Variants in TPM4 observed in about 807,000 individuals in gnomAD.
The protein encoded by TPM4 is tropomyosin alpha-4 chain.
A neutral mutation model predicts 35.8 loss-of-function variants in TPM4; 17 were observed. The observed-to-expected ratio is 0.47, with a 90% CI of 0.32 to 0.71. The LOEUF is 0.71. Ranked by LOEUF, TPM4 falls within the 30% of genes least tolerant of loss-of-function variation. The pLI is 0.03. For missense variants in TPM4, 240 were observed against 320.9 expected, an observed-to-expected ratio of 0.75 and a Z score of 1.93; for synonymous variants, 120 against 122.9, an observed-to-expected ratio of 0.98 and a Z score of 0.15.
At chr19:16,092,864 C>T (rs974547279) in intron 5 of TPM4, among the ~76,000 whole-genome samples, 1 of 151,704 alleles carries the variant, frequency 6.6e-6, no homozygotes, top group Non-Finnish European at 1.5e-5. Context: ...CTTCTTCCTC[C>T]TTTTTTTTGA....
rs754913516 is a variant in TPM4 at position 16,088,053 on chromosome 19, G to A, written c.411G>A (p.Glu137=). 5.0e-6 allele frequency: 8 copies of A among 1,612,610 alleles called. No individual in the cohort carries two copies. Among genetic ancestry groups the A allele is most frequent in the Non-Finnish European group, 6.8e-6 (8 of 1,179,624 alleles). ...EEVARKLVIL[E]GELERAEERA... Reference sequence around the variant, plus strand: ...TAGCTCGTAAGCTGGTCATCCTGGAGGGTGAGCTGGAGAGGGCAGAGGAGC... The same window carrying A: ...TAGCTCGTAAGCTGGTCATCCTGGAAGGTGAGCTGGAGAGGGCAGAGGAGC... Residue 137 remains glutamate (E), a synonymous_variant, in exon 4 of 8, where the codon GAG becomes GAA. Transcript: ENST00000643579.
chr19:16,088,241 T>C, intron 4 of TPM4, 144 bp downstream of exon 4: 1 of 1,426,390 alleles, frequency 7.0e-7, no homozygotes, highest in South Asian at 1.3e-5. Flanking sequence ...TCTTTTCTCT[T>C]GGCTTCTGTG....
intron 7 of TPM4, among the ~76,000 whole-genome samples, chr19:16,094,776 C>T (rs2090673666): frequency 1.3e-5 from 2 of 152,220 alleles, no homozygotes; most frequent in Middle Eastern, 3.4e-3. Flanking sequence ...GTTTAACATT[C>T]GGCCTCAGAA....
chr19:16,069,139 C>T (rs1568295822), intron 2 of TPM4, among the ~76,000 whole-genome samples: 1 of 152,010 alleles, frequency 6.6e-6, no homozygotes, highest in East Asian at 1.9e-4. Context: ...TTTCTGATGG[C>T]GTGTGTGTGT....
At chr19:16,093,333 C>T (rs546736934) in intron 5 of TPM4, among the ~76,000 whole-genome samples, 10 of 152,064 alleles carry the variant, frequency 6.6e-5, no homozygotes, top group African/African-American at 2.4e-4. Flanking sequence ...GTAGCTGGGA[C>T]TACAGCTGCA....
intron 2 of TPM4, among the ~76,000 whole-genome samples, chr19:16,086,088 A>G (rs1418948477): frequency 3.0e-5 from 4 of 134,600 alleles, no homozygotes; most frequent in African/African-American, 1.1e-4. Context: ...AAAAAAAACC[A>G]AGATGAAGGA....
chr19:16,071,789 A>G (rs1279275015), upstream of TPM4, among the ~76,000 whole-genome samples: 4 of 152,182 alleles, frequency 2.6e-5, no homozygotes, highest in Non-Finnish European at 5.9e-5. Context: ...GGAAAAGGAC[A>G]AAGAGGCCCA....
At chr19:16,081,087 G>A in intron 1 of TPM4, 1 of 398,544 alleles carries the variant, frequency 2.5e-6, no homozygotes, top group Non-Finnish European at 4.4e-6. Context: ...TAATTGCATG[G>A]CCAACATTTA....
At chr19:16,089,867 CT>C (rs954798691) in intron 5 of TPM4, among the ~76,000 whole-genome samples, 2 of 149,190 alleles carry the variant, frequency 1.3e-5, no homozygotes, top group African/African-American at 2.5e-5. Flanking sequence ...TTTTTCTTTT[CT>C]TTTTTTTTGA....
chr19:16,073,810 T>G (rs974412083), upstream of TPM4, among the ~76,000 whole-genome samples: 8 of 151,488 alleles, frequency 5.3e-5, no homozygotes, highest in African/African-American at 1.9e-4. Context: ...ATGGGAAGCC[T>G]GGAGTTCACA....
chr19:16,068,377 TG>T (rs1233370858), intron 2 of TPM4, among the ~76,000 whole-genome samples: 1 of 152,174 alleles, frequency 6.6e-6, no homozygotes, highest in East Asian at 1.9e-4. Context: ...GATTTCGCCA[TG>T]TTGGCCGGAC....
At position 16,086,660 on chromosome 19, in the gene TPM4, G is replaced by A. The variant is rs111282798; in HGVS notation, c.384+120G>A. The A allele has an allele frequency of 1.7e-3, 1,288 of 756,950 alleles. 7 individuals carry two copies. In the African/African-American group the frequency reaches 0.017, roughly 10 times the overall value. 46.9% of individuals were successfully genotyped at this position (756,950 alleles called of 1,614,324 possible). ...TCGGTTAGGTCAGCTGTCCTCCTGC[G>A]TGAACATATGTTTGTCCAGAGACAA... On this transcript the variant is annotated intron_variant, in intron 3 of 7. Transcript: ENST00000643579.
intron 7 of TPM4, among the ~76,000 whole-genome samples, chr19:16,097,099 G>A (rs1187855996): frequency 2.1e-5 from 3 of 143,068 alleles, no homozygotes; most frequent in South Asian, 2.2e-4. Flanking sequence ...GATTACAGTC[G>A]CGGACCACCA....
intron 7 of TPM4, 93 bp from the exon 8 acceptor site, chr19:16,101,171 A>T: frequency 1.8e-6 from 2 of 1,120,714 alleles, no homozygotes; most frequent in South Asian, 1.6e-5. Flanking sequence ...ACCCTGTCTC[A>T]AGAAGAAGAA....
Position 16,070,197 on chromosome 19 carries a change from C to T in TPM4, c.114+2459C>T, listed in dbSNP as rs542754764. ...GGAGAGGGAGGCCATTTCCCATCTC[C>T]TGGCAGCCAAGAGCCCACACAGACC... On this transcript the variant is annotated intron_variant, in intron 2 of 2. Coordinates refer to the TPM4 transcript ENST00000589897. The surrounding 1 kb of genome is among the most constrained non-coding windows in gnomAD (Gnocchi z 7.4). Among the ~76,000 whole-genome samples, 24 of 152,308 alleles carry T rather than the reference C, an allele frequency of 1.6e-4. 1 individual carries two copies. The highest frequency in any genetic ancestry group is 5.8e-4 in the African/African-American group (24 of 41,546).
intron 2 of TPM4, among the ~76,000 whole-genome samples, chr19:16,069,538 T>TGGATGAC (rs147905162): frequency 1.6e-5 from 1 of 62,904 alleles, no homozygotes; most frequent in Non-Finnish European, 3.0e-5. Flanking sequence ...TGTATGTGTG[T>TGGATGAC]TGTGTGTGGA....
At chr19:16,084,863 C>T (rs1402324395) in intron 2 of TPM4, among the ~76,000 whole-genome samples, 1 of 152,144 alleles carries the variant, frequency 6.6e-6, no homozygotes, top group African/African-American at 2.4e-5. Context: ...TATTGGACAG[C>T]AAGAAGCATA....
At chr19:16,068,272 C>A (rs11672873) in intron 2 of TPM4, among the ~76,000 whole-genome samples, 1 of 151,584 alleles carries the variant, frequency 6.6e-6, no homozygotes, top group Non-Finnish European at 1.5e-5. Context: ...CCGCCTCCTG[C>A]GTTCAGGCGA....
intron 1 of TPM4, chr19:16,077,279 G>C (rs2090421660): frequency 7.4e-6 from 1 of 136,004 alleles, no homozygotes; most frequent in African/African-American, 2.5e-5. Context: ...TCCAGGCGGC[G>C]GGGGGGATGG....
Sources: gnomAD v4.1 joint callset for allele counts (sites outside exome capture counted in the v4.1 genomes callset) on GRCh38, gnomAD v4.1.1 for gene constraint, Gnocchi (gnomAD v3.1) non-coding constraint, MANE v1.5 for transcripts, NCBI Gene and HGNC (gene_info 2026-07-23, HGNC 2026-07-21) for gene names.